Variants in ANKRD39 observed in about 807,000 individuals in gnomAD.
ANKRD39 encodes the protein ankyrin repeat domain 39.
ANKRD39 carries 18 observed loss-of-function variants against 20.3 expected under a neutral mutation model. That is an observed-to-expected ratio of 0.89 (90% CI 0.61 to 1.32). The LOEUF is 1.32. Ranked by LOEUF, ANKRD39 falls within the 40% of genes most tolerant of loss-of-function variation. The pLI is 0.00. For missense variants in ANKRD39, 243 were observed against 250.7 expected, an observed-to-expected ratio of 0.97 and a Z score of 0.21; for synonymous variants, 106 against 111.9, an observed-to-expected ratio of 0.95 and a Z score of 0.33.
chr2:96,854,280 C>G, intron 2 of ANKRD39, 58 bp downstream of exon 2: 2 of 1,520,882 alleles, frequency 1.3e-6, no homozygotes, highest in Non-Finnish European at 1.8e-6. Flanking sequence ...CCTCAGAGAG[C>G]AGGTGTCTCC....
chr2:96,856,227 A>G (rs1559026108), intron 1 of ANKRD39, among the ~76,000 whole-genome samples: 1 of 152,012 alleles, frequency 6.6e-6, no homozygotes, highest in Non-Finnish European at 1.5e-5. Flanking sequence ...TAATCCTAGC[A>G]CTTTGGGAGG....
At chr2:96,854,875 T>A (rs2079855316) in intron 1 of ANKRD39, among the ~76,000 whole-genome samples, 1 of 152,158 alleles carries the variant, frequency 6.6e-6, no homozygotes, top group Non-Finnish European at 1.5e-5. Flanking sequence ...CCATTTGCCT[T>A]GGCCTCCCAA....
At chr2:96,853,958 C>G (rs1387714268) in intron 2 of ANKRD39, among the ~76,000 whole-genome samples, 1 of 152,190 alleles carries the variant, frequency 6.6e-6, no homozygotes, top group Non-Finnish European at 1.5e-5. Flanking sequence ...GAAAACCCAT[C>G]TCTACTAAAA....
chr2:96,855,034 A>G (rs925223084), intron 1 of ANKRD39, among the ~76,000 whole-genome samples: 3 of 152,240 alleles, frequency 2.0e-5, no homozygotes, highest in African/African-American at 4.8e-5. Flanking sequence ...GAAAGTTGCA[A>G]AACAAGAAGC....
intron 3 of ANKRD39, among the ~76,000 whole-genome samples, chr2:96,850,948 C>T (rs900412315): frequency 1.0e-4 from 14 of 140,030 alleles, no homozygotes; most frequent in African/African-American, 3.0e-4. Flanking sequence ...TCACTCAGCA[C>T]GTATTCACTG....
chr2:96,851,239 C>T (rs2079835654), intron 3 of ANKRD39, among the ~76,000 whole-genome samples: 1 of 152,130 alleles, frequency 6.6e-6, no homozygotes, highest in Non-Finnish European at 1.5e-5. Context: ...TCACAGCAAC[C>T]TCTACCTCCC....
chr2:96,853,250 A>T, intron 3 of ANKRD39, 151 bp downstream of exon 3: 1 of 940,806 alleles, frequency 1.1e-6, no homozygotes. Context: ...ATTACCCATT[A>T]GTCCTAAAGT....
At chr2:96,852,924 G>C (rs1271366821) in intron 3 of ANKRD39, among the ~76,000 whole-genome samples, 1 of 152,066 alleles carries the variant, frequency 6.6e-6, no homozygotes, top group East Asian at 1.9e-4. Context: ...AAAAGCAATC[G>C]GTAAAGTGAA....
chr2:96,849,717 C>T lies in ANKRD39; in HGVS notation c.409-1273G>A, dbSNP rs181975063. Among the ~76,000 whole-genome samples, 28 of 152,274 alleles carry T rather than the reference C, an allele frequency of 1.8e-4. No individual in the cohort carries two copies. The East Asian group carries it at 5.0e-3, about 27-fold the overall frequency. ...TGTTGCCCAGGCTGGTCTCGAGCTC[C>T]TGAACTCAAGCTATCCTCCCACCTT... On this transcript the variant is annotated intron_variant, in intron 3 of 3. Transcript: ENST00000393537.
At chr2:96,854,187 G>A (rs1053126130) in intron 2 of ANKRD39, 151 bp downstream of exon 2, 3 of 750,444 alleles carry the variant, frequency 4.0e-6, no homozygotes, top group African/African-American at 3.5e-5. Flanking sequence ...AAAAATCCAG[G>A]TTCATATGAT....
At chr2:96,848,736 G>A (rs1243245188) in intron 3 of ANKRD39, among the ~76,000 whole-genome samples, 4 of 152,096 alleles carry the variant, frequency 2.6e-5, no homozygotes, top group African/African-American at 4.8e-5. Context: ...CAGGAATATC[G>A]CTTGAACCCG....
At chr2:96,856,684 T>C (rs528341549) in intron 1 of ANKRD39, among the ~76,000 whole-genome samples, 1 of 152,256 alleles carries the variant, frequency 6.6e-6, no homozygotes, top group African/African-American at 2.4e-5. Context: ...CAACCCAAAA[T>C]GTCTCCAGAT....
intron 3 of ANKRD39, among the ~76,000 whole-genome samples, chr2:96,852,847 C>G (rs1342543790): frequency 2.6e-5 from 4 of 152,028 alleles, no homozygotes; most frequent in African/African-American, 9.7e-5. Context: ...GCAGGAGGAT[C>G]AATTGAGCCC....
chr2:96,854,428 T>C lies in ANKRD39; in HGVS notation c.114A>G (p.Ala38=). The change falls in exon 2 of 4, where the codon GCA becomes GCG. Residue 38 remains alanine (A), a synonymous_variant. Coordinates refer to ENST00000393537, the MANE Select transcript of ANKRD39 (RefSeq NM_016466.6). ...EMDFERGIWS[A]ALNGDLGRVK... ...CTCGGCCCAGGTCTCCATTCAGGGCTGCCGACCAGATTCCTGCAGAAAGGC... is the reference window on the plus strand; with the variant it reads ...CTCGGCCCAGGTCTCCATTCAGGGCCGCCGACCAGATTCCTGCAGAAAGGC... 1 of 1,614,214 alleles carries C rather than the reference T, an allele frequency of 6.2e-7. No individual in the cohort carries two copies. The highest frequency in any genetic ancestry group is 1.1e-5 in the South Asian group (1 of 91,074).
intron 1 of ANKRD39, among the ~76,000 whole-genome samples, chr2:96,855,633 G>A (rs1574136873): frequency 6.6e-6 from 1 of 151,430 alleles, no homozygotes; most frequent in African/African-American, 2.4e-5. Flanking sequence ...TGAGGCAGAA[G>A]AATCGCGTGA....
chr2:96,849,949 C>T (rs979706610), intron 3 of ANKRD39, among the ~76,000 whole-genome samples: 4 of 152,224 alleles, frequency 2.6e-5, no homozygotes, highest in African/African-American at 9.6e-5. Context: ...TCTTATTTAA[C>T]TTTCAAAATA....
chr2:96,853,735 G>A, intron 2 of ANKRD39, 131 bp from the exon 3 acceptor site: 1 of 840,618 alleles, frequency 1.2e-6, no homozygotes, highest in Non-Finnish European at 1.9e-6. Flanking sequence ...CAGCAGTCGT[G>A]TGACCTGGGC....
intron 1 of ANKRD39, among the ~76,000 whole-genome samples, 155 bp downstream of exon 1, chr2:96,857,733 A>C (rs2079872430): frequency 6.6e-6 from 1 of 152,134 alleles, no homozygotes; most frequent in African/African-American, 2.4e-5. Flanking sequence ...CTCTCAGTAC[A>C]CGGGAACCGT....
rs1312478196 is a variant in ANKRD39 at position 96,848,294 on chromosome 2, T to G, written c.*7A>C. 3 of 1,613,512 alleles carry G rather than the reference T, an allele frequency of 1.9e-6. No individual in the cohort carries two copies. The South Asian group carries it at 3.3e-5, about 18-fold the overall frequency. ...CCTTTAAAGGCAGCTGGAGATAGGG[T>G]GGCGGCTCAGCTGGATAGCAGGTCC... On this transcript the variant is annotated 3_prime_UTR_variant, in exon 4 of 4. Coordinates refer to ENST00000393537, the MANE Select transcript of ANKRD39 (RefSeq NM_016466.6).
Sources: allele counts gnomAD v4.1 joint callset (sites outside exome capture counted in the v4.1 genomes callset), GRCh38; gene constraint gnomAD v4.1.1; transcripts MANE v1.5; gene names NCBI Gene and HGNC (gene_info 2026-07-23, HGNC 2026-07-21).